Variants in SGIP1 observed in about 807,000 individuals in gnomAD.
SGIP1 encodes SH3-containing GRB2-like protein 3-interacting protein 1.
A neutral mutation model predicts 107.5 loss-of-function variants in SGIP1; 38 were observed. The observed-to-expected ratio is 0.35, with a 90% confidence interval of 0.27 to 0.46. The LOEUF (loss-of-function observed/expected upper bound fraction) is 0.46. Ranked by LOEUF, SGIP1 falls within the 20% of genes least tolerant of loss-of-function variation. The probability of loss-of-function intolerance (pLI) is 1.00; values close to 1 mark genes in which losing one functional copy is unlikely to be tolerated. For missense variants in SGIP1, 929 were observed against 1,019.5 expected, an observed-to-expected ratio of 0.91 and a Z score of 1.21; for synonymous variants, 365 against 366.1, an observed-to-expected ratio of 1.00 and a Z score of 0.03.
chr1:66,540,397 T>C (rs1571008744), intron 1 of SGIP1, among the ~76,000 whole-genome samples: 2 of 152,158 alleles, frequency 1.3e-5, no homozygotes, highest in East Asian at 3.8e-4. Context: ...CTTTTTTTCT[T>C]TTCTCTCTTC....
At chr1:66,711,214 T>C (rs755783901) in intron 18 of SGIP1, among the ~76,000 whole-genome samples, 6 of 152,210 alleles carry the variant, frequency 3.9e-5, no homozygotes, top group Non-Finnish European at 7.3e-5. Flanking sequence ...AGTACCTTAA[T>C]TGTTAAATGA....
At chr1:66,543,551 G>T (rs1457590594) in intron 1 of SGIP1, among the ~76,000 whole-genome samples, 1 of 152,162 alleles carries the variant, frequency 6.6e-6, no homozygotes, top group African/African-American at 2.4e-5. Context: ...TGTTTTTCAC[G>T]TTCAAAGGTG....
intron 13 of SGIP1, 54 bp downstream of exon 13, chr1:66,677,150 G>A (rs1465252638): frequency 1.4e-6 from 2 of 1,400,172 alleles, no homozygotes; most frequent in South Asian, 1.2e-5. Context: ...TTTAGTGTCT[G>A]TCTGCATAGT....
intron 7 of SGIP1, among the ~76,000 whole-genome samples, chr1:66,644,402 A>G (rs1326532260): frequency 1.3e-5 from 2 of 151,736 alleles, no homozygotes; most frequent in African/African-American, 4.8e-5. Flanking sequence ...CCCAATTCCC[A>G]GCTACTAAGT....
chr1:66,699,641 T>A (rs2091570931), intron 18 of SGIP1, among the ~76,000 whole-genome samples: 1 of 152,220 alleles, frequency 6.6e-6, no homozygotes, highest in Admixed American at 6.5e-5. Context: ...CCAGGGACTT[T>A]ATGAAGCAAT....
chr1:66,713,278 C>A (rs564115300), intron 18 of SGIP1, among the ~76,000 whole-genome samples: 1 of 152,194 alleles, frequency 6.6e-6, no homozygotes, highest in African/African-American at 2.4e-5. Context: ...TAAGTAAAGT[C>A]CTTTGAATAG....
At chr1:66,666,424 CT>C in intron 8 of SGIP1, 1 of 169,094 alleles carries the variant, frequency 5.9e-6, no homozygotes, top group Admixed American at 6.4e-5. Context: ...CAGCTTTGTT[CT>C]TTTTGCTTAT....
intron 7 of SGIP1, among the ~76,000 whole-genome samples, chr1:66,651,176 C>T (rs1187131937): frequency 2.0e-5 from 3 of 152,152 alleles, no homozygotes; most frequent in African/African-American, 7.2e-5. Context: ...ATATCAAAGT[C>T]ATCCTTTAAG....
chr1:66,668,795 A>C (rs2083154199), intron 9 of SGIP1, among the ~76,000 whole-genome samples: 1 of 152,236 alleles, frequency 6.6e-6, no homozygotes, highest in African/African-American at 2.4e-5. Context: ...AGATTATGAA[A>C]AGAGTGAATT....
At chr1:66,601,018 G>T (rs888492494) in intron 1 of SGIP1, among the ~76,000 whole-genome samples, 2 of 152,142 alleles carry the variant, frequency 1.3e-5, no homozygotes, top group Non-Finnish European at 2.9e-5. Context: ...TTCTCCACAT[G>T]AACACAGATT....
chr1:66,635,814 C>T (rs1408851), intron 3 of SGIP1, 130 bp from the exon 4 acceptor site: 38 of 866,642 alleles, frequency 4.4e-5, no homozygotes, highest in Middle Eastern at 4.5e-4. Context: ...ATTGGTAGGC[C>T]GTATGATTTG....
intron 7 of SGIP1, among the ~76,000 whole-genome samples, chr1:66,650,718 T>A (rs2078587759): frequency 6.6e-6 from 1 of 152,174 alleles, no homozygotes; most frequent in Non-Finnish European, 1.5e-5. Flanking sequence ...CTCCCATGGC[T>A]TTTGTGGGAG....
chr1:66,693,107 G>A (rs994353775), intron 17 of SGIP1, among the ~76,000 whole-genome samples: 1 of 151,992 alleles, frequency 6.6e-6, no homozygotes, highest in Admixed American at 6.5e-5. Context: ...ATATGAAAAA[G>A]TGCACAGTTT....
intron 9 of SGIP1, 108 bp from the exon 10 acceptor site, chr1:66,670,887 C>A: frequency 2.0e-6 from 1 of 503,790 alleles, no homozygotes; most frequent in Non-Finnish European, 3.5e-6. Flanking sequence ...GTTCATTTCC[C>A]TATCTGCATT....
chr1:66,642,048 A>G (rs2076888327), intron 5 of SGIP1, among the ~76,000 whole-genome samples: 1 of 152,218 alleles, frequency 6.6e-6, no homozygotes, highest in Non-Finnish European at 1.5e-5. Flanking sequence ...TTCTGCCCCA[A>G]GGCTATCCTG....
At chr1:66,655,689 G>A (rs1416960696) in intron 7 of SGIP1, among the ~76,000 whole-genome samples, 1 of 152,114 alleles carries the variant, frequency 6.6e-6, no homozygotes, top group Non-Finnish European at 1.5e-5. Flanking sequence ...AACGGTATCT[G>A]TGTATCCAAA....
At position 66,589,210 on chromosome 1, in the gene SGIP1, A is replaced by ATGTGTGTGTGTGTGTGTG. The variant is rs1351093715; in HGVS notation, c.11-36636_11-36635insGTGTGTGTGTGTGTGTGT. 7.3e-3 allele frequency among the ~76,000 whole-genome samples: 502 copies of ATGTGTGTGTGTGTGTGTG among 68,954 alleles called. 24 individuals are homozygous for ATGTGTGTGTGTGTGTGTG. The highest frequency in any genetic ancestry group is 0.012 in the South Asian group (14 of 1,150). 45.2% of individuals were successfully genotyped at this position (68,954 alleles called of 152,430 possible). A position where few individuals can be genotyped will look rare whatever the true frequency, so the allele number is the denominator to read the frequency against. ...TATATATATATATATATATATATAT[A>ATGTGTGTGTGTGTGTGTG]TATATATGTAAGGCTTGGGGTAAAG... On this transcript the variant is annotated intron_variant, in intron 1 of 24. Coordinates refer to ENST00000371037, the MANE Select transcript of SGIP1 (RefSeq NM_032291.4).
At chr1:66,655,108 T>C (rs187433689) in intron 7 of SGIP1, among the ~76,000 whole-genome samples, 14 of 152,258 alleles carry the variant, frequency 9.2e-5, no homozygotes, top group African/African-American at 3.1e-4. Context: ...AGTTACTAAA[T>C]GTCCACACCT....
Position 66,746,917 on chromosome 1 carries a change from C to T in SGIP1, c.*3822C>T, listed in dbSNP as rs2150818553. ...CTGCTTCTCAAAATATGATTGGTATCATCACTTATTAATGTTTTGTATCAT... is the reference window on the plus strand; with the variant it reads ...CTGCTTCTCAAAATATGATTGGTATTATCACTTATTAATGTTTTGTATCAT... On this transcript the variant is annotated 3_prime_UTR_variant, in exon 25 of 25. Coordinates refer to ENST00000371037, the MANE Select transcript of SGIP1 (RefSeq NM_032291.4). The T allele has an allele frequency of 6.6e-6, 1 of 152,212 alleles. No homozygotes were observed. Among genetic ancestry groups the T allele is most frequent in the African/African-American group, 2.4e-5 (1 of 41,554 alleles). 9.4% of individuals were successfully genotyped at this position (152,212 alleles called of 1,614,324 possible).
Sources: gnomAD v4.1 joint callset for allele counts (sites outside exome capture counted in the v4.1 genomes callset) on GRCh38, gnomAD v4.1.1 for gene constraint, MANE v1.5 for transcripts, NCBI Gene and HGNC (gene_info 2026-07-23, HGNC 2026-07-21) for gene names.